Variants in HERC5 observed in about 807,000 individuals in gnomAD.
HERC5 encodes HECT and RLD domain containing E3 ubiquitin protein ligase 5.
Under a neutral mutation model 119.6 loss-of-function variants are expected in HERC5, and 99 were observed. The ratio of observed to expected loss-of-function variants is 0.83; its 90% CI spans 0.70 to 0.98. HERC5 has a LOEUF of 0.98. Among genes scored for constraint, HERC5 ranks in the 50% least tolerant of loss-of-function variants. HERC5 has a pLI of 0.00. For missense variants in HERC5, 1,267 were observed against 1,241.3 expected (o/e 1.02, Z -0.31); for synonymous variants, 478 against 445.9 (o/e 1.07, Z -0.91).
At chr4:88,483,105 G>A (rs1741335249) in intron 13 of HERC5, among the ~76,000 whole-genome samples, 1 of 152,052 alleles carries the variant, frequency 6.6e-6, no homozygotes, top group Non-Finnish European at 1.5e-5. Context: ...ATAGAAGTGG[G>A]GGAACAGTGG....
rs1742093353 is a variant in HERC5, at chr4:88,505,941, G to A, written c.*63G>A. 1 of 1,328,802 alleles carries A rather than the reference G, an allele frequency of 7.5e-7. No homozygotes were observed. Among genetic ancestry groups the A allele is most frequent in the East Asian group, 2.5e-5 (1 of 40,252 alleles). 82.3% of individuals were successfully genotyped at this position (1,328,802 alleles called of 1,614,324 possible). On this transcript the variant is annotated 3_prime_UTR_variant, in exon 23 of 23. Transcript: ENST00000264350. ...TATCGTTGTTGTTGTTGTTGTTGTTGTTGTTTCTCTACTTTGTTTTGTTTT... is the reference window on the plus strand; with the variant it reads ...TATCGTTGTTGTTGTTGTTGTTGTTATTGTTTCTCTACTTTGTTTTGTTTT...
At position 88,505,008 on chromosome 4, in the gene HERC5, C is replaced by G. The variant is rs1316052013; in HGVS notation, c.2869+411C>G. Among the ~76,000 whole-genome samples, 7 of 152,172 alleles carry G rather than the reference C, an allele frequency of 4.6e-5. No homozygotes were observed. In the East Asian group the frequency reaches 1.3e-3, roughly 29 times the overall value. On this transcript the variant is annotated intron_variant, in intron 22 of 22. Coordinates refer to ENST00000264350, the MANE Select transcript of HERC5 (RefSeq NM_016323.4). ...GTATCTTTAGGCTTAATGACTTTCT[C>G]ATTTTCTATTTCCTTACTTTTGAGA...
At chr4:88,477,936 G>A (rs1007679060) in intron 12 of HERC5, among the ~76,000 whole-genome samples, 3 of 152,194 alleles carry the variant, frequency 2.0e-5, no homozygotes, top group African/African-American at 7.2e-5. Flanking sequence ...AAAGAAAGTT[G>A]TGCATTCACG....
Position 88,472,513 on chromosome 4 carries a change from A to C in HERC5, c.1392+11A>C. ...TGGATTACTAACATGGTATCTTCAG[A>C]TTGTTATGTGGAGAAAGAAAATACA... On this transcript the variant is annotated intron_variant, in intron 11 of 22. Coordinates refer to ENST00000264350, the MANE Select transcript of HERC5 (RefSeq NM_016323.4). The C allele has an allele frequency of 7.1e-7, 1 of 1,417,244 alleles. No individual in the cohort carries two copies. Among genetic ancestry groups the C allele is most frequent in the Non-Finnish European group, 9.9e-7 (1 of 1,012,398 alleles). The allele number at this position is 1,417,244 out of a possible 1,614,324, so 87.8% of individuals were successfully genotyped here. A position where few individuals can be genotyped will look rare whatever the true frequency, so the allele number is the denominator to read the frequency against.
At chr4:88,480,010 T>A (rs1741225080) in intron 13 of HERC5, among the ~76,000 whole-genome samples, 1 of 144,012 alleles carries the variant, frequency 6.9e-6, no homozygotes, top group Non-Finnish European at 1.5e-5. Context: ...GAGCTTGCAG[T>A]GAGCAGAGAT....
intron 13 of HERC5, among the ~76,000 whole-genome samples, chr4:88,483,163 T>C (rs1036719571): frequency 2.6e-5 from 4 of 152,142 alleles, no homozygotes; most frequent in Admixed American, 2.0e-4. Flanking sequence ...GGACTATTCT[T>C]AGTTTCCAAA....
Position 88,462,205 on chromosome 4 carries a change from C to T in HERC5, c.537C>T (p.Thr179=), listed in dbSNP as rs1157053591. Residue 179 remains threonine, a synonymous_variant, in exon 4 of 23, where the codon ACC becomes ACT. Coordinates refer to ENST00000264350, the MANE Select transcript of HERC5 (RefSeq NM_016323.4). ...QLGVGRKFPS[T]TTPQIVEHLA... ...GAGTTGGAAGGAAATTTCCCTCAAC[C>T]ACCACACCACAGATTGTGGAGCACC... 7.4e-6 allele frequency: 12 copies of T among 1,614,130 alleles called. No homozygotes were observed. The highest frequency in any genetic ancestry group is 1.0e-5 in the Non-Finnish European group (12 of 1,180,022).
chr4:88,504,795 C>T (rs1169009709), intron 22 of HERC5, among the ~76,000 whole-genome samples, 198 bp downstream of exon 22: 1 of 152,166 alleles, frequency 6.6e-6, no homozygotes, highest in East Asian at 1.9e-4. Flanking sequence ...GATTTCATCC[C>T]TTCTTATTGC....
intron 1 of HERC5, among the ~76,000 whole-genome samples, chr4:88,459,017 A>G (rs558123883): frequency 6.6e-5 from 10 of 152,318 alleles, no homozygotes; most frequent in African/African-American, 2.2e-4. Flanking sequence ...ATTTTCTTAT[A>G]GACCTTTTCA....
At chr4:88,463,773 A>T (rs1316064516) in intron 5 of HERC5, 82 bp from the exon 6 acceptor site, 1 of 1,501,180 alleles carries the variant, frequency 6.7e-7, no homozygotes, top group Non-Finnish European at 9.2e-7. Context: ...AGTGCTATTT[A>T]TTAGTGATTC....
intron 2 of HERC5, among the ~76,000 whole-genome samples, 183 bp downstream of exon 2, chr4:88,459,653 A>G (rs576408321): frequency 1.3e-5 from 2 of 152,306 alleles, no homozygotes; most frequent in South Asian, 4.1e-4. Flanking sequence ...TTGTTTTGGC[A>G]TTTAAAGGAA....
At chr4:88,467,910 G>T (rs954328283) in intron 7 of HERC5, 36 of 981,582 alleles carry the variant, frequency 3.7e-5, no homozygotes, top group Non-Finnish European at 4.4e-5. Context: ...GTAGGAAAAC[G>T]AACAGAGTTA....
chr4:88,463,830 C>T (rs1346103522), intron 5 of HERC5, 25 bp from the exon 6 acceptor site: 2 of 1,609,740 alleles, frequency 1.2e-6, no homozygotes, highest in Admixed American at 3.4e-5. Context: ...TTTCTAGCAT[C>T]TGATATGACA....
At chr4:88,489,039 A>T in intron 15 of HERC5, 127 bp from the exon 16 acceptor site, 1 of 662,476 alleles carries the variant, frequency 1.5e-6, no homozygotes, top group Non-Finnish European at 2.6e-6. Flanking sequence ...AGTGGTGCAT[A>T]TAAGGTTCTT....
chr4:88,480,549 GT>G (rs1216947085), intron 13 of HERC5, among the ~76,000 whole-genome samples: 2 of 151,710 alleles, frequency 1.3e-5, no homozygotes, highest in Non-Finnish European at 2.9e-5. Context: ...TTGGTTCTGG[GT>G]TTCATACCTA....
intron 3 of HERC5, among the ~76,000 whole-genome samples, chr4:88,460,958 A>G (rs1161611571): frequency 6.6e-6 from 1 of 152,138 alleles, no homozygotes; most frequent in African/African-American, 2.4e-5. Flanking sequence ...CCACTGCACT[A>G]CAGCCTGGGT....
chr4:88,468,323 T>C, intron 7 of HERC5, 23 bp from the exon 8 acceptor site: 1 of 1,564,448 alleles, frequency 6.4e-7, no homozygotes, highest in Non-Finnish European at 8.8e-7. Flanking sequence ...TCTAAAACTC[T>C]TACTCTTTGT....
intron 18 of HERC5, among the ~76,000 whole-genome samples, chr4:88,498,144 A>G (rs571252396): frequency 1.2e-4 from 18 of 152,248 alleles, no homozygotes; most frequent in Admixed American, 5.2e-4. Flanking sequence ...CCACAGAGCC[A>G]TGGGGTCCAG....
chr4:88,479,585 A>T, intron 13 of HERC5, 78 bp downstream of exon 13: 1 of 1,242,550 alleles, frequency 8.0e-7, no homozygotes, highest in South Asian at 1.8e-5. Context: ...TTGAATCTTT[A>T]AGTAGACTCG....
Sources: gnomAD v4.1 joint callset for allele counts (sites outside exome capture counted in the v4.1 genomes callset) on GRCh38, gnomAD v4.1.1 for gene constraint, MANE v1.5 for transcripts, NCBI Gene and HGNC (gene_info 2026-07-23, HGNC 2026-07-21) for gene names.